The following AKAP9 variants were observed in gnomAD, a reference collection of about 807,000 sequenced individuals.
AKAP9 encodes the protein A-kinase anchor protein 9.
AKAP9 carries 311 observed loss-of-function variants against 488.5 expected under a neutral mutation model. The observed-to-expected ratio is 0.64, with a 90% CI of 0.58 to 0.70. AKAP9 has a LOEUF of 0.70. Ranked by LOEUF, AKAP9 falls within the 30% of genes least tolerant of loss-of-function variation. The probability of loss-of-function intolerance (pLI) is 0.00; values close to 1 mark genes in which losing one functional copy is unlikely to be tolerated. For synonymous variants in AKAP9, 1,462 were observed against 1,483.5 expected, an observed-to-expected ratio of 0.99 and a Z score of 0.33; for missense variants, 4,215 against 4,374.5, an observed-to-expected ratio of 0.96 and a Z score of 1.03.
chr7:92,045,104 C>T lies in AKAP9; in HGVS notation c.5259C>T (p.Val1753=), dbSNP rs267601625. The T allele has an allele frequency of 6.2e-7, 1 of 1,613,168 alleles. No individual in the cohort carries two copies. The highest frequency in any genetic ancestry group is 8.5e-7 in the Non-Finnish European group (1 of 1,179,834). The change falls in exon 21 of 50, where the codon GTC becomes GTT. Residue 1753 remains valine (V), a synonymous_variant. Coordinates refer to ENST00000356239, the MANE Select transcript of AKAP9 (RefSeq NM_005751.5). The part of the protein sequence containing the change: ...AAVEETIGRH[V]LGILDRSSKS... ...TTGAAGAAACAATTGGTCGCCATGT[C>T]CTTGGGATTCTAGATAGATCTAGTA...
At chr7:92,094,932 C>G in intron 39 of AKAP9, 91 bp from the exon 40 acceptor site, 1 of 1,164,584 alleles carries the variant, frequency 8.6e-7, no homozygotes. Flanking sequence ...TATTATATGC[C>G]TCAACTTATC....
chr7:92,076,726 C>A, intron 28 of AKAP9, 129 bp from the exon 29 acceptor site: 1 of 533,842 alleles, frequency 1.9e-6, no homozygotes, highest in Non-Finnish European at 3.2e-6. Context: ...AGAAAAACCA[C>A]ATTCCTTTAT....
intron 8 of AKAP9, among the ~76,000 whole-genome samples, chr7:92,008,983 TAAAAAA>T (rs58922447): frequency 1.5e-5 from 2 of 130,738 alleles, no homozygotes; most frequent in South Asian, 2.5e-4. Context: ...AGACTCCATT[TAAAAAA>T]AAAAAAAAAA....
rs1397377727 is a variant in AKAP9, at chr7:92,105,678, A to G, written c.11331A>G (p.Arg3777=). The change falls in exon 47 of 50, where the codon AGA becomes AGG. Residue 3777 remains arginine, a splice_region_variant and synonymous_variant. Coordinates refer to ENST00000356239, the MANE Select transcript of AKAP9 (RefSeq NM_005751.5). ...SAVRVSIAIS[R]MKFLVRRWHR... Reference sequence around the variant, plus strand: ...AATTTTATCTTGGAATCTTTTTTAGAATGAAATTTTTGGTTCGACGGTGGC... The same window carrying G: ...AATTTTATCTTGGAATCTTTTTTAGGATGAAATTTTTGGTTCGACGGTGGC... 1 of 1,613,104 alleles carries G rather than the reference A, an allele frequency of 6.2e-7. No homozygotes were observed. Among genetic ancestry groups the G allele is most frequent in the Non-Finnish European group, 8.5e-7 (1 of 1,179,036 alleles).
chr7:91,976,994 C>T (rs1367853737), intron 2 of AKAP9, among the ~76,000 whole-genome samples: 1 of 152,076 alleles, frequency 6.6e-6, no homozygotes, highest in Non-Finnish European at 1.5e-5. Flanking sequence ...CATGGTGGCT[C>T]ATATCTGTAA....
chr7:92,101,230 A>G (rs1817468779), intron 45 of AKAP9, among the ~76,000 whole-genome samples, 174 bp downstream of exon 45: 1 of 152,022 alleles, frequency 6.6e-6, no homozygotes, highest in African/African-American at 2.4e-5. Flanking sequence ...AGGTCAGGAG[A>G]TCAAGACCAT....
intron 46 of AKAP9, among the ~76,000 whole-genome samples, chr7:92,104,438 G>A (rs535322252): frequency 2.0e-5 from 3 of 152,120 alleles, no homozygotes; most frequent in Admixed American, 1.3e-4. Context: ...TGATCCGCCC[G>A]CCTCGGCCTC....
At chr7:92,084,513 A>AT (rs1204083995) in intron 33 of AKAP9, 127 bp from the exon 34 acceptor site, 4 of 670,650 alleles carry the variant, frequency 6.0e-6, no homozygotes, top group Non-Finnish European at 1.0e-5. Flanking sequence ...ACCATGAATA[A>AT]TTTCATTTAT....
intron 7 of AKAP9, among the ~76,000 whole-genome samples, chr7:91,997,037 T>A (rs1045330070): frequency 1.3e-5 from 2 of 152,194 alleles, no homozygotes; most frequent in Admixed American, 1.3e-4. Flanking sequence ...GAGCCAGATT[T>A]CAAATCTAAG....
chr7:91,951,293 TTCTC>T (rs957072351), intron 1 of AKAP9, among the ~76,000 whole-genome samples: 13 of 151,946 alleles, frequency 8.6e-5, no homozygotes, highest in East Asian at 3.9e-4. Flanking sequence ...CTCACTCTCT[TTCTC>T]TCTATTTTCT....
At chr7:91,979,778 T>C (rs1796154555) in intron 2 of AKAP9, among the ~76,000 whole-genome samples, 1 of 152,222 alleles carries the variant, frequency 6.6e-6, no homozygotes, top group South Asian at 2.1e-4. Context: ...TGTGTGGATA[T>C]GGTGTACAAA....
At chr7:91,994,542 G>C in intron 5 of AKAP9, 79 bp from the exon 6 acceptor site, 1 of 1,196,184 alleles carries the variant, frequency 8.4e-7, no homozygotes, top group Non-Finnish European at 1.2e-6. Flanking sequence ...AATGTGTTTT[G>C]AATTCTTATT....
At chr7:92,103,080 A>G (rs898514376) in intron 46 of AKAP9, among the ~76,000 whole-genome samples, 6 of 152,136 alleles carry the variant, frequency 3.9e-5, no homozygotes, top group Non-Finnish European at 7.3e-5. Context: ...GGCCTATCCA[A>G]TCACGGCTGC....
intron 1 of AKAP9, among the ~76,000 whole-genome samples, chr7:91,957,327 C>T (rs966838462): frequency 5.3e-5 from 8 of 152,086 alleles, no homozygotes; most frequent in African/African-American, 9.7e-5. Context: ...TGTACATTAA[C>T]GTCCAAACAT....
chr7:91,985,480 G>T (rs902236886), intron 3 of AKAP9, among the ~76,000 whole-genome samples: 1 of 152,146 alleles, frequency 6.6e-6, no homozygotes, highest in Non-Finnish European at 1.5e-5. Context: ...GATCACGGTG[G>T]ATAAGCTTTT....
At chr7:92,015,330 A>G (rs1801359444) in intron 10 of AKAP9, among the ~76,000 whole-genome samples, 1 of 152,052 alleles carries the variant, frequency 6.6e-6, no homozygotes, top group Non-Finnish European at 1.5e-5. Flanking sequence ...TTGTGTGTGC[A>G]TATAAACTAC....
chr7:92,087,149 A>G (rs1241651343), intron 37 of AKAP9, among the ~76,000 whole-genome samples: 3 of 152,358 alleles, frequency 2.0e-5, no homozygotes, highest in East Asian at 3.9e-4. Context: ...GTGAAAGACC[A>G]TGAAAGCAAC....
intron 28 of AKAP9, among the ~76,000 whole-genome samples, chr7:92,076,471 A>G (rs542776748): frequency 2.9e-4 from 44 of 152,352 alleles, no homozygotes; most frequent in African/African-American, 7.5e-4. Context: ...CAAAACAAAC[A>G]GTTCTACAAC....
chr7:91,994,280 A>G (rs971103531), intron 5 of AKAP9, among the ~76,000 whole-genome samples: 3 of 152,202 alleles, frequency 2.0e-5, no homozygotes, highest in African/African-American at 4.8e-5. Context: ...ACAAAAATAC[A>G]TATCAGTTTC....
Sources: gnomAD v4.1 joint callset for allele counts (sites outside exome capture counted in the v4.1 genomes callset) on GRCh38, gnomAD v4.1.1 for gene constraint, MANE v1.5 for transcripts, NCBI Gene and HGNC (gene_info 2026-07-23, HGNC 2026-07-21) for gene names.